The following ARHGAP20 variants were observed in gnomAD, a reference collection of about 807,000 sequenced individuals.
The protein encoded by ARHGAP20 is Rho GTPase activating protein 20.
Under a neutral mutation model 73.7 loss-of-function variants are expected in ARHGAP20, and 34 were observed. The observed-to-expected ratio is 0.46, with a 90% CI of 0.35 to 0.61. The LOEUF (loss-of-function observed/expected upper bound fraction) is 0.61, where lower values mean the gene tolerates loss of function less well. Ranked by LOEUF, ARHGAP20 falls within the 20% of genes least tolerant of loss-of-function variation. The probability of loss-of-function intolerance (pLI) is 0.00; values close to 1 mark genes in which losing one functional copy is unlikely to be tolerated. For missense variants in ARHGAP20, 1,314 were observed against 1,420.9 expected (o/e 0.92, Z 1.21); for synonymous variants, 523 against 518.2 (o/e 1.01, Z -0.13).
At chr11:110,583,803 T>C in intron 12 of ARHGAP20, 66 bp from the exon 13 acceptor site, 1 of 1,314,780 alleles carries the variant, frequency 7.6e-7, no homozygotes, top group Non-Finnish European at 1.0e-6. Context: ...GACAAGCAAC[T>C]CTCACTTTGA....
At chr11:110,601,145 C>A (rs1252569682) in intron 9 of ARHGAP20, among the ~76,000 whole-genome samples, 1 of 152,146 alleles carries the variant, frequency 6.6e-6, no homozygotes, top group Admixed American at 6.5e-5. Flanking sequence ...AGAGACCATG[C>A]AAAATACCCA....
chr11:110,712,127 CT>C lies in ARHGAP20; in HGVS notation c.104del (p.Lys35ArgfsTer3). 1 of 1,348,644 alleles carries C rather than the reference CT, an allele frequency of 7.4e-7. No homozygotes were observed. The highest frequency in any genetic ancestry group is 2.4e-5 in the South Asian group (1 of 41,660). The allele number at this position is 1,348,644 out of a possible 1,614,324, so 83.5% of individuals were successfully genotyped here. A position where few individuals can be genotyped will look rare whatever the true frequency, so the allele number is the denominator to read the frequency against. ...ACGGGCCCCCGCTCAGCGTCCTCAC[CT>C]TCTTGGTGCAGCTGCCTCCCGCGAG... is the stretch of plus-strand genomic sequence containing the variant. ...SRLAGGSCTK[K>X]KMKTLAERRR... On this transcript the variant is annotated frameshift_variant and splice_region_variant, in exon 1 of 15. Transcript: ENST00000683387. LOFTEE classifies it high-confidence loss of function.
intron 9 of ARHGAP20, among the ~76,000 whole-genome samples, chr11:110,593,072 C>T (rs1947868362): frequency 6.6e-6 from 1 of 152,000 alleles, no homozygotes; most frequent in Non-Finnish European, 1.5e-5. Context: ...GGGGTGTTTG[C>T]ATTTGACTTG....
chr11:110,698,596 C>T (rs1950382939), intron 1 of ARHGAP20, among the ~76,000 whole-genome samples: 1 of 151,802 alleles, frequency 6.6e-6, no homozygotes, highest in African/African-American at 2.4e-5. Flanking sequence ...AATTTCATTA[C>T]TCATTATTGG....
chr11:110,606,457 A>C (rs1409125600), intron 9 of ARHGAP20, 104 bp downstream of exon 9: 2 of 1,233,896 alleles, frequency 1.6e-6, no homozygotes, highest in African/African-American at 3.1e-5. Context: ...CAAAATACTT[A>C]GCAAATTCCA....
intron 9 of ARHGAP20, among the ~76,000 whole-genome samples, chr11:110,594,958 C>T (rs1371576659): frequency 6.6e-6 from 1 of 151,514 alleles, no homozygotes; most frequent in Admixed American, 6.6e-5. Context: ...ATCCAGTGGG[C>T]TTCATCCCTG....
At chr11:110,701,421 T>G (rs1420290228) in intron 1 of ARHGAP20, among the ~76,000 whole-genome samples, 6 of 152,170 alleles carry the variant, frequency 3.9e-5, no homozygotes, top group Non-Finnish European at 8.8e-5. Flanking sequence ...TTGCCCACTT[T>G]CTGATGGGGT....
At chr11:110,683,624 G>A (rs1396068130) in intron 2 of ARHGAP20, among the ~76,000 whole-genome samples, 2 of 152,108 alleles carry the variant, frequency 1.3e-5, no homozygotes, top group Non-Finnish European at 2.9e-5. Context: ...AATGAAGTGT[G>A]ATTGAGTGCT....
chr11:110,628,975 A>G (rs141776298), intron 3 of ARHGAP20, among the ~76,000 whole-genome samples: 13 of 152,308 alleles, frequency 8.5e-5, no homozygotes, highest in Non-Finnish European at 1.9e-4. Context: ...CACAGTAAAT[A>G]ACCTCAGGTA....
intron 1 of ARHGAP20, among the ~76,000 whole-genome samples, chr11:110,710,521 G>A (rs1278182033): frequency 6.6e-6 from 1 of 151,986 alleles, no homozygotes; most frequent in Non-Finnish European, 1.5e-5. Context: ...AAAATAAAAT[G>A]CTTTAAGTTT....
chr11:110,702,910 C>A (rs1950482948), intron 1 of ARHGAP20, among the ~76,000 whole-genome samples: 1 of 152,140 alleles, frequency 6.6e-6, no homozygotes, highest in African/African-American at 2.4e-5. Flanking sequence ...GAAGAACATT[C>A]CATGCTCATG....
At chr11:110,611,951 A>G (rs559780272) in intron 6 of ARHGAP20, among the ~76,000 whole-genome samples, 63 of 152,310 alleles carry the variant, frequency 4.1e-4, no homozygotes, top group Admixed American at 7.8e-4. Flanking sequence ...CACTGTGGCC[A>G]CTAAGATTTT....
intron 1 of ARHGAP20, among the ~76,000 whole-genome samples, chr11:110,711,447 G>A (rs571938908): frequency 1.1e-3 from 122 of 113,694 alleles, no homozygotes; most frequent in African/African-American, 3.5e-3. Context: ...AGGCCCAGCC[G>A]AACCTACATG....
rs992453930 is a variant in ARHGAP20, at chr11:110,577,634, A to C, written c.*1736T>G. On this transcript the variant is annotated 3_prime_UTR_variant, in exon 15 of 15. Coordinates refer to ENST00000683387, the MANE Select transcript of ARHGAP20 (RefSeq NM_001384657.1). ...AAAAAGATGCATATGGACACTTAGA[A>C]GTCTTAATATGTAGGACTGGTTAGT... 1.2e-5 allele frequency: 12 copies of C among 985,906 alleles called. No homozygotes were observed. The highest frequency in any genetic ancestry group is 1.4e-5 in the Non-Finnish European group (12 of 830,072). 61.1% of individuals were successfully genotyped at this position (985,906 alleles called of 1,614,324 possible). A position where few individuals can be genotyped will look rare whatever the true frequency, so the allele number is the denominator to read the frequency against.
intron 12 of ARHGAP20, among the ~76,000 whole-genome samples, chr11:110,584,484 C>T (rs1269088041): frequency 6.6e-6 from 1 of 151,422 alleles, no homozygotes; most frequent in East Asian, 1.9e-4. Context: ...GCTGCTTGCA[C>T]AAATAGCAGG....
At chr11:110,608,432 A>C (rs926292544) in intron 8 of ARHGAP20, among the ~76,000 whole-genome samples, 1 of 152,188 alleles carries the variant, frequency 6.6e-6, no homozygotes, top group Non-Finnish European at 1.5e-5. Context: ...CTAGAGAAAT[A>C]GCAAAATAAT....
chr11:110,668,258 G>A (rs1280880742), intron 2 of ARHGAP20, among the ~76,000 whole-genome samples: 1 of 152,110 alleles, frequency 6.6e-6, no homozygotes, highest in South Asian at 2.1e-4. Flanking sequence ...ACAACACTGA[G>A]ACAAGACCCT....
intron 2 of ARHGAP20, among the ~76,000 whole-genome samples, chr11:110,674,082 G>A (rs1169641532): frequency 6.6e-6 from 1 of 151,956 alleles, no homozygotes. Context: ...GAGATTACAG[G>A]TGTGTGTCAC....
At chr11:110,682,746 G>C (rs924858137) in intron 2 of ARHGAP20, among the ~76,000 whole-genome samples, 2 of 152,030 alleles carry the variant, frequency 1.3e-5, no homozygotes, top group Non-Finnish European at 2.9e-5. Context: ...AAGGGAAGAA[G>C]GGAAATAATA....
Sources: allele counts gnomAD v4.1 joint callset (sites outside exome capture counted in the v4.1 genomes callset), GRCh38; gene constraint gnomAD v4.1.1; transcripts MANE v1.5; gene names NCBI Gene and HGNC (gene_info 2026-07-23, HGNC 2026-07-21).